VASN: variants seen among roughly 807,000 people sequenced by gnomAD.
VASN encodes the protein protein slit-like 2.
A neutral mutation model predicts 4.8 loss-of-function variants in VASN; 5 were observed. The observed-to-expected ratio is 1.03, with a 90% confidence interval of 0.54 to 2.17. VASN has a LOEUF of 2.17. VASN is among the 30% of genes most tolerant of loss of function. VASN has a pLI of 0.01. For missense variants in VASN, 927 were observed against 948.8 expected, an observed-to-expected ratio of 0.98 and a Z score of 0.30; for synonymous variants, 499 against 460.8, an observed-to-expected ratio of 1.08 and a Z score of -1.06.
intron 1 of VASN, among the ~76,000 whole-genome samples, chr16:4,375,732 C>T (rs1173510722): frequency 3.3e-5 from 5 of 152,226 alleles, no homozygotes; most frequent in Admixed American, 2.0e-4. Flanking sequence ...TCGTGATCGT[C>T]CTACCTCGGC....
rs563539410 is a variant in VASN at position 4,382,161 on chromosome 16, G to A, written c.1284G>A (p.Leu428=). The A allele has an allele frequency of 8.2e-6, 13 of 1,593,730 alleles. No individual in the cohort carries two copies. The highest frequency in any genetic ancestry group is 1.1e-5 in the Non-Finnish European group (13 of 1,171,348). ...GTCHLGTRHH[L]ACLCPEGFTG... is the part of the protein sequence containing the mutation. Reference sequence around the variant, plus strand: ...GCCACCTGGGGACACGGCACCACCTGGCGTGCTTGTGCCCCGAAGGCTTCA... The same window carrying A: ...GCCACCTGGGGACACGGCACCACCTAGCGTGCTTGTGCCCCGAAGGCTTCA... The change falls in exon 2 of 2, where the codon CTG becomes CTA. Residue 428 remains leucine, a synonymous_variant. Coordinates refer to ENST00000304735, the MANE Select transcript of VASN (RefSeq NM_138440.3).
At position 4,383,503 on chromosome 16, in the gene VASN, G is replaced by GA. The variant is rs2055080097; in HGVS notation, c.*610dup. On this transcript the variant is annotated 3_prime_UTR_variant, in exon 2 of 2. Transcript: ENST00000304735. ...ACGATGATATGAAGGCCTTTTGTAA[G>GA]AAAAAATAAAAGATGAAGTGTGTTT... The GA allele has an allele frequency of 6.0e-6, 1 of 167,006 alleles. No individual in the cohort carries two copies. Among genetic ancestry groups the GA allele is most frequent in the South Asian group, 2.1e-4 (1 of 4,834 alleles). The allele number at this position is 167,006 out of a possible 1,614,324, so 10.3% of individuals were successfully genotyped here. A position where few individuals can be genotyped will look rare whatever the true frequency, so the allele number is the denominator to read the frequency against.
intron 1 of VASN, among the ~76,000 whole-genome samples, chr16:4,377,524 G>C (rs1345456988): frequency 6.6e-6 from 1 of 152,218 alleles, no homozygotes; most frequent in African/African-American, 2.4e-5. Context: ...CAACTCCAGA[G>C]GGTGAGGGGG....
intron 1 of VASN, among the ~76,000 whole-genome samples, chr16:4,374,548 C>G (rs913084250): frequency 5.9e-5 from 9 of 152,286 alleles, no homozygotes; most frequent in African/African-American, 2.2e-4. Context: ...CCGGCCTACA[C>G]CGGGAAGGGG....
rs374474637 is a variant in VASN, at chr16:4,381,280, C to G, written c.403C>G (p.Arg135Gly). The G allele has an allele frequency of 3.1e-6, 5 of 1,611,528 alleles. No homozygotes were observed. The highest frequency in any genetic ancestry group is 1.1e-5 in the South Asian group (1 of 90,974). The change falls in exon 2 of 2, where the codon CGC becomes GGC. Residue 135 changes from arginine to glycine, a missense_variant. By Grantham distance (125) the Arg-to-Gly change is moderately radical. Coordinates refer to ENST00000304735, the MANE Select transcript of VASN (RefSeq NM_138440.3). The part of the protein sequence containing the change: ...RLERLYLGKN[R>G]IRHIQPGAFD... ...CGAGCGCCTCTACCTGGGCAAGAAC[C>G]GCATCCGCCACATCCAGCCTGGTGC...
rs1290862512 is a variant in VASN, at chr16:4,374,183, A to G, written c.-10+2190A>G. 1.6e-4 allele frequency among the ~76,000 whole-genome samples: 12 copies of G among 74,106 alleles called. 1 individual carries two copies. The highest frequency in any genetic ancestry group is 6.5e-4 in the African/African-American group (12 of 18,582). 48.6% of individuals were successfully genotyped at this position (74,106 alleles called of 152,430 possible). The stretch of plus-strand genomic sequence containing the variant: ...GCGCGTGACTGGAGCAGGGCTGTGT[A>G]TTTGGGGGTGGGTGGGGGTGTTTGG... On this transcript the variant is annotated intron_variant, in intron 1 of 1. Transcript: ENST00000304735.
In VASN at chr16:4,382,800, T is replaced by C; in HGVS notation, c.1923T>C (p.Gly641=). The change falls in exon 2 of 2, where the codon GGT becomes GGC. Residue 641 remains glycine, a synonymous_variant. Coordinates refer to ENST00000304735, the MANE Select transcript of VASN (RefSeq NM_138440.3). ...CAGGCCCGAAGGCAACAGAGGGCGG[T>C]GGAGAGGCCCTGCCCAGCGGGTCTG... is the stretch of plus-strand genomic sequence containing the variant. ...LEPGPKATEG[G]GEALPSGSEC... The C allele has an allele frequency of 6.3e-7, 1 of 1,590,316 alleles. No homozygotes were observed. The highest frequency in any genetic ancestry group is 8.6e-7 in the Non-Finnish European group (1 of 1,169,364).
At chr16:4,380,339 G>C (rs2054909887) in intron 1 of VASN, among the ~76,000 whole-genome samples, 1 of 152,234 alleles carries the variant, frequency 6.6e-6, no homozygotes, top group Non-Finnish European at 1.5e-5. Context: ...GAAAAACATG[G>C]ATCCCATAGT....
chr16:4,379,237 C>T (rs1253350256), intron 1 of VASN, among the ~76,000 whole-genome samples: 1 of 152,092 alleles, frequency 6.6e-6, no homozygotes, highest in Non-Finnish European at 1.5e-5. Context: ...CTTGTGTGAG[C>T]TGCAGGCGCC....
intron 1 of VASN, among the ~76,000 whole-genome samples, chr16:4,379,462 G>A (rs2054873888): frequency 6.6e-6 from 1 of 152,050 alleles, no homozygotes; most frequent in Non-Finnish European, 1.5e-5. Context: ...CGCCCCCAGG[G>A]CCATCTGGAG....
At chr16:4,372,589 G>A (rs1356348052) in intron 1 of VASN, among the ~76,000 whole-genome samples, 2 of 152,200 alleles carry the variant, frequency 1.3e-5, no homozygotes, top group African/African-American at 4.8e-5. Flanking sequence ...AGGGTGCCGG[G>A]TCTCTGCCTC....
chr16:4,374,935 C>T (rs2054666241), intron 1 of VASN, among the ~76,000 whole-genome samples: 1 of 152,054 alleles, frequency 6.6e-6, no homozygotes, highest in South Asian at 2.1e-4. Flanking sequence ...GGTGCTTGCC[C>T]CTGGGTGGGG....
Position 4,382,406 on chromosome 16 carries a change from CGCT to C in VASN, c.1532_1534del (p.Leu511del). The C allele has an allele frequency of 6.2e-7, 1 of 1,611,822 alleles. No homozygotes were observed. The highest frequency in any genetic ancestry group is 8.5e-7 in the Non-Finnish European group (1 of 1,179,668). ...TCGGGCCCTGATAAGCGGCTGGTGACGCTGCGACTGCCTGCCTCGCTCGCTGAG... is the reference window on the plus strand; with the variant it reads ...TCGGGCCCTGATAAGCGGCTGGTGACGCGACTGCCTGCCTCGCTCGCTGAG... On this transcript the variant is annotated inframe_deletion, in exon 2 of 2. Transcript: ENST00000304735.
chr16:4,382,206 C>A lies in VASN; in HGVS notation c.1329C>A (p.Ser443Arg). The A allele has an allele frequency of 6.2e-7, 1 of 1,603,198 alleles. No homozygotes were observed. The highest frequency in any genetic ancestry group is 8.5e-7 in the Non-Finnish European group (1 of 1,176,726). Residue 443 changes from serine (S) to arginine (R), a missense_variant, in exon 2 of 2, where the codon AGC (serine) becomes AGA (arginine). Ser to Arg is a moderately radical substitution (Grantham distance 110). Coordinates refer to ENST00000304735, the MANE Select transcript of VASN (RefSeq NM_138440.3). ...PEGFTGLYCE[S>R]QMGQGTRPSP... is the part of the protein sequence containing the mutation. ...GCTTCACGGGCCTGTACTGTGAGAG[C>A]CAGATGGGGCAGGGGACACGGCCCA...
rs774480592 is a variant in VASN at position 4,382,412 on chromosome 16, G to A, written c.1535G>A (p.Arg512Gln). 6 of 1,611,654 alleles carry A rather than the reference G, an allele frequency of 3.7e-6. No individual in the cohort carries two copies. Among genetic ancestry groups the A allele is most frequent in the Middle Eastern group, 1.7e-4 (1 of 6,060 alleles). Residue 512 changes from arginine to glutamine, a missense_variant, in exon 2 of 2, where the codon CGA becomes CAA. Physicochemically the swap from Arg to Gln is conservative, Grantham distance 43. Transcript: ENST00000304735. ...SGPDKRLVTL[R>Q]LPASLAEYTV... ...CCTGATAAGCGGCTGGTGACGCTGC[G>A]ACTGCCTGCCTCGCTCGCTGAGTAC...
At position 4,381,629 on chromosome 16, in the gene VASN, G is replaced by A. The variant is rs576963574; in HGVS notation, c.752G>A (p.Arg251His). The A allele has an allele frequency of 1.2e-5, 19 of 1,598,430 alleles. No homozygotes were observed. Among genetic ancestry groups the A allele is most frequent in the African/African-American group, 4.0e-5 (3 of 74,622 alleles). ...CGCCTGCGGCTGGCCGGCAACACCC[G>A]CATTGCCCAGCTGCGGCCCGAGGAC... ...LTRLRLAGNTRIAQLRPEDLA... is the reference protein window; with the variant it reads ...LTRLRLAGNTHIAQLRPEDLA... The change falls in exon 2 of 2, where the codon CGC becomes CAC. Residue 251 changes from arginine (R) to histidine (H), a missense_variant. Coordinates refer to ENST00000304735, the MANE Select transcript of VASN (RefSeq NM_138440.3).
In VASN at chr16:4,382,514, G is replaced by A. The variant is rs1026669067; in HGVS notation, c.1637G>A (p.Gly546Asp). Residue 546 changes from glycine to aspartate, a missense_variant, in exon 2 of 2, where the codon GGC becomes GAC. Transcript: ENST00000304735. ...TTGGGGCCCGGGCGGGTGCCGGAGG[G>A]CGAGGAGGCCTGCGGGGAGGCCCAT... Reference protein sequence around the residue: ...MPLGPGRVPEGEEACGEAHTP... With the variant: ...MPLGPGRVPEDEEACGEAHTP... 8.8e-6 allele frequency: 14 copies of A among 1,592,854 alleles called. No individual in the cohort carries two copies. The highest frequency in any genetic ancestry group is 3.3e-4 in the Middle Eastern group (2 of 6,028).
At chr16:4,378,928 C>G (rs1296317577) in intron 1 of VASN, among the ~76,000 whole-genome samples, 3 of 152,024 alleles carry the variant, frequency 2.0e-5, no homozygotes, top group Non-Finnish European at 4.4e-5. Flanking sequence ...TCTGGCAGTG[C>G]GATACTACAC....
intron 1 of VASN, among the ~76,000 whole-genome samples, chr16:4,379,899 A>AT (rs2054889158): frequency 6.6e-6 from 1 of 151,130 alleles, no homozygotes; most frequent in South Asian, 2.1e-4. Flanking sequence ...AAAAAAAAAA[A>AT]ATACAAAAAT....
Sources: gnomAD v4.1 joint callset for allele counts (sites outside exome capture counted in the v4.1 genomes callset) on GRCh38, gnomAD v4.1.1 for gene constraint, MANE v1.5 for transcripts, NCBI Gene and HGNC (gene_info 2026-07-23, HGNC 2026-07-21) for gene names.